The following HLTF variants were observed in gnomAD, a reference collection of about 807,000 sequenced individuals.
The protein encoded by HLTF is DNA-dependent ATPase/E3 ubiquitin-protein ligase HLTF.
Under a neutral mutation model 129.4 loss-of-function variants are expected in HLTF, and 127 were observed. The ratio of observed to expected loss-of-function variants is 0.98; its 90% confidence interval spans 0.85 to 1.14. The LOEUF (loss-of-function observed/expected upper bound fraction) is 1.14, where lower values mean the gene tolerates loss of function less well. Ranked by LOEUF, HLTF falls within the 50% of genes most tolerant of loss-of-function variation. HLTF has a pLI of 0.00. For synonymous variants in HLTF, 332 were observed against 388.8 expected, an observed-to-expected ratio of 0.85 and a Z score of 1.72; for missense variants, 1,139 against 1,187.1, an observed-to-expected ratio of 0.96 and a Z score of 0.60.
intron 8 of HLTF, among the ~76,000 whole-genome samples, chr3:149,067,812 A>T (rs1399831031): frequency 6.6e-6 from 1 of 152,172 alleles, no homozygotes; most frequent in Non-Finnish European, 1.5e-5. Context: ...CAAAGATTAT[A>T]AACAATTTTA....
chr3:149,032,723 G>A (rs965825221), intron 24 of HLTF, among the ~76,000 whole-genome samples: 11 of 152,148 alleles, frequency 7.2e-5, no homozygotes, highest in Non-Finnish European at 2.9e-5. Context: ...AGCACTTTGG[G>A]AGGCCGAGGC....
chr3:149,041,773 A>C (rs2290726), intron 19 of HLTF, 105 bp from the exon 20 acceptor site: 238,442 of 773,264 alleles, frequency 0.31, 37,346 homozygotes, highest in East Asian at 0.33. Flanking sequence ...AAAGTCTCTC[A>C]TCATTTTCTG....
intron 5 of HLTF, among the ~76,000 whole-genome samples, chr3:149,073,002 T>A (rs1425987468): frequency 6.6e-6 from 1 of 152,226 alleles, no homozygotes; most frequent in Non-Finnish European, 1.5e-5. Context: ...GTGTTTTGTA[T>A]GTTGGGTACA....
chr3:149,039,875 C>T (rs956751805), intron 21 of HLTF, among the ~76,000 whole-genome samples, 156 bp downstream of exon 21: 8 of 152,034 alleles, frequency 5.3e-5, no homozygotes, highest in Admixed American at 2.0e-4. Context: ...ATTCCATTTC[C>T]CCTCAAATTC....
rs1716144504 is a variant in HLTF, at chr3:149,041,668, C to T, written c.2198G>A (p.Gly733Glu). Residue 733 changes from glycine (G) to glutamate (E), a missense_variant and splice_region_variant, in exon 20 of 25, where the codon GGA (glycine) becomes GAA (glutamate). Physicochemically the swap from Gly to Glu is moderately conservative, Grantham distance 98. Coordinates refer to ENST00000310053, the MANE Select transcript of HLTF (RefSeq NM_003071.4). The stretch of plus-strand genomic sequence containing the variant: ...TCTCAGTTCTTCAGGTGTATCATTT[C>T]CTAGAGAAAAGGCTGAAAAATTAAT... ...TNAVSSNGPS[G>E]NDTPEELRKK... The T allele has an allele frequency of 6.2e-7, 1 of 1,602,314 alleles. No individual in the cohort carries two copies. The highest frequency in any genetic ancestry group is 8.5e-7 in the Non-Finnish European group (1 of 1,171,396).
chr3:149,070,341 C>A (rs1436798160), intron 7 of HLTF, among the ~76,000 whole-genome samples: 1 of 152,244 alleles, frequency 6.6e-6, no homozygotes, highest in Non-Finnish European at 1.5e-5. Context: ...CAGCTGCCAT[C>A]TATTCGGCCA....
chr3:149,047,664 A>C (rs1576585874), intron 17 of HLTF, among the ~76,000 whole-genome samples: 1 of 152,142 alleles, frequency 6.6e-6, no homozygotes, highest in African/African-American at 2.4e-5. Context: ...ACATAAATAA[A>C]TAAATAAAGC....
intron 7 of HLTF, among the ~76,000 whole-genome samples, chr3:149,068,618 C>T (rs1718600259): frequency 2.6e-5 from 4 of 152,132 alleles, no homozygotes; most frequent in South Asian, 2.1e-4. Context: ...TACATTTAAT[C>T]CTGAACTCTT....
At chr3:149,082,037 C>CT (rs1719913173) in intron 2 of HLTF, among the ~76,000 whole-genome samples, 1 of 152,146 alleles carries the variant, frequency 6.6e-6, no homozygotes, top group South Asian at 2.1e-4. Flanking sequence ...AAAAATGTAA[C>CT]TAACCAAAAT....
chr3:149,051,923 C>G (rs535399390), intron 14 of HLTF: 1 of 149,846 alleles, frequency 6.7e-6, no homozygotes, highest in Non-Finnish European at 1.5e-5. Flanking sequence ...ACTGGGAGGC[C>G]GAGGTGGGCG....
At chr3:149,032,661 T>C (rs993771880) in intron 24 of HLTF, among the ~76,000 whole-genome samples, 14 of 151,950 alleles carry the variant, frequency 9.2e-5, no homozygotes, top group African/African-American at 3.4e-4. Context: ...ACTTCAGCAT[T>C]GTATTAAAAA....
At chr3:149,081,120 C>T (rs1294018058) in intron 2 of HLTF, among the ~76,000 whole-genome samples, 1 of 151,964 alleles carries the variant, frequency 6.6e-6, no homozygotes, top group Non-Finnish European at 1.5e-5. Context: ...AAAGAAATCA[C>T]CTAACACTTT....
intron 7 of HLTF, among the ~76,000 whole-genome samples, chr3:149,069,976 T>C (rs185348275): frequency 2.2e-4 from 33 of 152,320 alleles, no homozygotes; most frequent in Admixed American, 1.9e-3. Flanking sequence ...ATTTAGTAGG[T>C]CTGCCCAACT....
At chr3:149,073,200 A>G in intron 5 of HLTF, 25 bp downstream of exon 5, 1 of 1,482,108 alleles carries the variant, frequency 6.7e-7, no homozygotes, top group African/African-American at 1.4e-5. Context: ...TCACTTTTAG[A>G]TTACAAAATA....
At position 149,048,110 on chromosome 3, in the gene HLTF, T is replaced by C; in HGVS notation, c.1810A>G (p.Lys604Glu). 1 of 1,612,924 alleles carries C rather than the reference T, an allele frequency of 6.2e-7. No individual in the cohort carries two copies. Among genetic ancestry groups the C allele is most frequent in the Non-Finnish European group, 8.5e-7 (1 of 1,179,356 alleles). ...KDLWSLLSFL[K>E]LKPFIDREWW... ...TCTCTATCAATAAATGGTTTAAGTT[T>C]TAAAAAGGAAAGAAGAGACCACAAG... Residue 604 changes from lysine to glutamate, a missense_variant, in exon 17 of 25, where the codon AAA (lysine) becomes GAA (glutamate). Transcript: ENST00000310053.
Position 149,068,335 on chromosome 3 carries a change from C to T in HLTF, c.895G>A (p.Gly299Ser). 7.1e-7 allele frequency: 1 copy of T among 1,413,474 alleles called. No homozygotes were observed. Among genetic ancestry groups the T allele is most frequent in the Non-Finnish European group, 9.8e-7 (1 of 1,015,798 alleles). 87.6% of individuals were successfully genotyped at this position (1,413,474 alleles called of 1,614,324 possible). ...ACTGCAATGGCCGTAAGAGTTTTAC[C>T]CTTAAAAATGTTTTAAAAAGATAAA... ...GGILADDMGL[G>S]KTLTAIAVIL... The change falls in exon 8 of 25, where the codon GGT becomes AGT. Residue 299 changes from glycine (G) to serine (S), a missense_variant and splice_region_variant. Physicochemically the swap from Gly to Ser is moderately conservative, Grantham distance 56 (BLOSUM62 0). Coordinates refer to ENST00000310053, the MANE Select transcript of HLTF (RefSeq NM_003071.4).
Position 149,035,005 on chromosome 3 carries a change from A to G in HLTF, c.2797-7T>C, listed in dbSNP as rs187819846. The G allele has an allele frequency of 4.9e-4, 790 of 1,604,932 alleles. 3 individuals are homozygous for G. The highest frequency in any genetic ancestry group is 2.6e-3 in the Admixed American group (156 of 60,008). ...CAGCAGCAGGATTCCAGGCCTAACA[A>G]GAACATGGATGAGTTACTTTACTAC... On this transcript the variant is annotated splice_polypyrimidine_tract_variant and splice_region_variant and intron_variant, in intron 23 of 24. Transcript: ENST00000310053.
At position 149,068,134 on chromosome 3, in the gene HLTF, G is replaced by A. The variant is rs192546415; in HGVS notation, c.990+106C>T. On this transcript the variant is annotated intron_variant, in intron 8 of 24. Transcript: ENST00000310053. The stretch of plus-strand genomic sequence containing the variant: ...ATAAAAGACAGAGAGACCATTCATC[G>A]CATTTCTGAAAACACAATTTCTTGG... 6.3e-5 allele frequency: 37 copies of A among 582,884 alleles called. No individual in the cohort carries two copies. The Admixed American group carries it at 9.7e-4, about 15-fold the overall frequency. 36.1% of individuals were successfully genotyped at this position (582,884 alleles called of 1,614,324 possible).
intron 5 of HLTF, among the ~76,000 whole-genome samples, chr3:149,071,932 A>G (rs1718907948): frequency 6.6e-6 from 1 of 152,144 alleles, no homozygotes; most frequent in South Asian, 2.1e-4. Flanking sequence ...GCATGCCTGT[A>G]GTTCTGGCTC....
Sources: allele counts gnomAD v4.1 joint callset (sites outside exome capture counted in the v4.1 genomes callset), GRCh38; gene constraint gnomAD v4.1.1; transcripts MANE v1.5; gene names NCBI Gene and HGNC (gene_info 2026-07-23, HGNC 2026-07-21).